RCOR3: variants seen among roughly 807,000 people sequenced by gnomAD.
RCOR3 encodes the protein REST corepressor 3.
Under a neutral mutation model 64.1 loss-of-function variants are expected in RCOR3, and 13 were observed. The observed-to-expected ratio is 0.20, with a 90% CI of 0.13 to 0.32. RCOR3 has a LOEUF of 0.32. Among genes scored for constraint, RCOR3 ranks in the 10% least tolerant of loss-of-function variants. The pLI, the probability that RCOR3 is intolerant of heterozygous loss-of-function variation, is 1.00. For synonymous variants in RCOR3, 215 were observed against 239.0 expected, an observed-to-expected ratio of 0.90 and a Z score of 0.93; for missense variants, 489 against 701.2, an observed-to-expected ratio of 0.70 and a Z score of 3.42.
intron 4 of RCOR3, among the ~76,000 whole-genome samples, chr1:211,275,681 A>G (rs1375871888): frequency 1.3e-5 from 2 of 152,200 alleles, no homozygotes; most frequent in South Asian, 2.1e-4. Context: ...GAAGTTATTT[A>G]TATGCCTCCT....
At position 211,259,492 on chromosome 1, in the gene RCOR3, C is replaced by T. The variant is rs1205607702; in HGVS notation, c.-69C>T. 1 of 1,496,088 alleles carries T rather than the reference C, an allele frequency of 6.7e-7. No homozygotes were observed. The allele number at this position is 1,496,088 out of a possible 1,614,324, so 92.7% of individuals were successfully genotyped here. ...TCCTCCTTTCCCTCCCGCCCGCGCT[C>T]TAAGCCATCTCCGCCTTCACCCTGA... is the stretch of plus-strand genomic sequence containing the variant. On this transcript the variant is annotated 5_prime_UTR_variant, in exon 1 of 12. Coordinates refer to ENST00000419091, the MANE Select transcript of RCOR3 (RefSeq NM_001136223.3).
chr1:211,305,333 G>A (rs891920927), intron 10 of RCOR3, among the ~76,000 whole-genome samples: 1 of 152,228 alleles, frequency 6.6e-6, no homozygotes, highest in African/African-American at 2.4e-5. Context: ...GTTTCTGAAT[G>A]AGTCAAAACA....
chr1:211,313,257 TTTG>T lies in RCOR3; in HGVS notation c.1318-164_1318-162del, dbSNP rs1010392082. ...GCCTCATTGGTTTTTGGTTTTTGGTTTTGTTTTGTTTAAAATAAAAGAAGCTTG... is the reference window on the plus strand; with the variant it reads ...GCCTCATTGGTTTTTGGTTTTTGGTTTTTTGTTTAAAATAAAAGAAGCTTG... On this transcript the variant is annotated intron_variant, in intron 11 of 11. Coordinates refer to ENST00000419091, the MANE Select transcript of RCOR3 (RefSeq NM_001136223.3). This position sits in a 1 kb window ranked among gnomAD's most constrained non-coding sequence, Gnocchi z 4.7. 4.2e-6 allele frequency: 6 copies of T among 1,431,268 alleles called. No individual in the cohort carries two copies. Among genetic ancestry groups the T allele is most frequent in the Non-Finnish European group, 5.5e-6 (6 of 1,098,522 alleles). The allele number at this position is 1,431,268 out of a possible 1,614,324, so 88.7% of individuals were successfully genotyped here. A position where few individuals can be genotyped will look rare whatever the true frequency, so the allele number is the denominator to read the frequency against.
At chr1:211,264,864 C>G (rs1338111761) in intron 2 of RCOR3, among the ~76,000 whole-genome samples, 1 of 152,146 alleles carries the variant, frequency 6.6e-6, no homozygotes, top group Non-Finnish European at 1.5e-5. Flanking sequence ...ACTAGATCTT[C>G]CCAACGTTTA....
intron 2 of RCOR3, among the ~76,000 whole-genome samples, chr1:211,261,632 T>G (rs1694287737): frequency 6.6e-6 from 1 of 152,162 alleles, no homozygotes; most frequent in Admixed American, 6.5e-5. Context: ...TTTAAGAGAC[T>G]GAATTCACGC....
chr1:211,264,883 CTACTAACTG>C (rs1368396358), intron 2 of RCOR3, among the ~76,000 whole-genome samples: 10 of 152,074 alleles, frequency 6.6e-5, no homozygotes, highest in African/African-American at 2.2e-4. Context: ...TATTTAGTGC[CTACTAACTG>C]TACTTACATC....
rs1337291574 is a variant in RCOR3, at chr1:211,312,168, A to G, written c.1076-552A>G. On this transcript the variant is annotated intron_variant, in intron 10 of 11. Transcript: ENST00000419091. This position sits in a 1 kb window ranked among gnomAD's most constrained non-coding sequence, Gnocchi z 5.0. The stretch of plus-strand genomic sequence containing the variant: ...GCTTTTCATGTTTAAGTTCTTATCT[A>G]ATTTCAATTTGTTGGTACCCTGGTG... 1 of 207,356 alleles carries G rather than the reference A, an allele frequency of 4.8e-6. No individual in the cohort carries two copies. Among genetic ancestry groups the G allele is most frequent in the Admixed American group, 4.9e-5 (1 of 20,366 alleles). 12.8% of individuals were successfully genotyped at this position (207,356 alleles called of 1,614,324 possible).
intron 4 of RCOR3, 50 bp from the exon 5 acceptor site, chr1:211,276,207 G>A: frequency 1.3e-6 from 2 of 1,530,634 alleles, no homozygotes; most frequent in Non-Finnish European, 1.8e-6. Flanking sequence ...TCTTAAGTGT[G>A]ATGGAACATA....
chr1:211,260,253 G>A, intron 2 of RCOR3, 89 bp downstream of exon 2: 2 of 1,251,418 alleles, frequency 1.6e-6, no homozygotes, highest in Non-Finnish European at 1.2e-6. Context: ...CATGGGGCCG[G>A]GAGGGGATGC....
chr1:211,263,328 C>T (rs968372821), intron 2 of RCOR3, among the ~76,000 whole-genome samples: 2 of 151,568 alleles, frequency 1.3e-5, no homozygotes, highest in African/African-American at 2.4e-5. Flanking sequence ...ACTTAATTGA[C>T]GATAATATTT....
At position 211,309,994 on chromosome 1, in the gene RCOR3, G is replaced by T. The variant is rs370374972; in HGVS notation, c.1076-2726G>T. 8.5e-5 allele frequency among the ~76,000 whole-genome samples: 13 copies of T among 152,298 alleles called. No individual in the cohort carries two copies. The East Asian group carries it at 1.5e-3, about 18-fold the overall frequency. ...GAGCCATGCTGTTCTGAGTGTGAAG[G>T]TGATGAAGAATTCAGCCATATATAT... On this transcript the variant is annotated intron_variant, in intron 10 of 11. Transcript: ENST00000419091.
chr1:211,313,312 TTTTTG>T lies in RCOR3; in HGVS notation c.1318-101_1318-97del. 2 of 1,459,294 alleles carry T rather than the reference TTTTTG, an allele frequency of 1.4e-6. No individual in the cohort carries two copies. Among genetic ancestry groups the T allele is most frequent in the Middle Eastern group, 1.8e-4 (1 of 5,548 alleles). The allele number at this position is 1,459,294 out of a possible 1,614,324, so 90.4% of individuals were successfully genotyped here. ...GCTTCCAATAAACACTGGTGTTATG[TTTTTG>T]TTTTGTTTTGATTTGTTTTGTTTTT... On this transcript the variant is annotated intron_variant, in intron 11 of 11. Coordinates refer to ENST00000419091, the MANE Select transcript of RCOR3 (RefSeq NM_001136223.3). The surrounding 1 kb of genome is among the most constrained non-coding windows in gnomAD (Gnocchi z 4.7).
chr1:211,287,749 C>T (rs1031259585), intron 7 of RCOR3, among the ~76,000 whole-genome samples: 6 of 152,020 alleles, frequency 3.9e-5, no homozygotes, highest in African/African-American at 1.2e-4. Context: ...GGCATGGTGG[C>T]GGGTGCCTGT....
intron 1 of RCOR3, 124 bp downstream of exon 1, chr1:211,259,850 T>A: frequency 9.9e-7 from 1 of 1,008,630 alleles, no homozygotes; most frequent in Non-Finnish European, 1.3e-6. Flanking sequence ...TGCGGTAGCC[T>A]CGAACTCCCG....
Position 211,312,890 on chromosome 1 carries a change from T to C in RCOR3, c.1246T>C (p.Ser416Pro). The C allele has an allele frequency of 1.2e-6, 2 of 1,614,190 alleles. No homozygotes were observed. The highest frequency in any genetic ancestry group is 8.5e-7 in the Non-Finnish European group (1 of 1,180,028). The change falls in exon 11 of 12, where the codon TCT (serine) becomes CCT (proline). Residue 416 changes from serine to proline, a missense_variant. Around this residue, in one of 2 missense-constraint regions of RCOR3, gnomAD observed 402 missense variants for 617.0 expected, o/e 0.65. Coordinates refer to ENST00000419091, the MANE Select transcript of RCOR3 (RefSeq NM_001136223.3). This position sits in a 1 kb window ranked among gnomAD's most constrained non-coding sequence, Gnocchi z 5.0. ...AACCCAGGCTTCTAATGGTGATGCT[T>C]CTACTTTAGGGGAGGAGACAAAAAG... ...QGTQASNGDA[S>P]TLGEETKSAS...
chr1:211,265,839 A>G (rs1695094229), intron 2 of RCOR3, among the ~76,000 whole-genome samples: 1 of 152,198 alleles, frequency 6.6e-6, no homozygotes, highest in Non-Finnish European at 1.5e-5. Flanking sequence ...AAACTCTAGT[A>G]GTTATGGTGC....
chr1:211,289,796 A>G (rs934794932), intron 8 of RCOR3, among the ~76,000 whole-genome samples: 1 of 152,210 alleles, frequency 6.6e-6, no homozygotes, highest in African/African-American at 2.4e-5. Context: ...CATCATCATT[A>G]TCAGTAGTAG....
chr1:211,269,735 A>G (rs1695828166), intron 2 of RCOR3, among the ~76,000 whole-genome samples: 1 of 152,180 alleles, frequency 6.6e-6, no homozygotes, highest in African/African-American at 2.4e-5. Flanking sequence ...TGGCTCTGGC[A>G]TAGCTATCTC....
chr1:211,312,623 A>C lies in RCOR3; in HGVS notation c.1076-97A>C. On this transcript the variant is annotated intron_variant, in intron 10 of 11. Transcript: ENST00000419091. The surrounding 1 kb of genome is among the most constrained non-coding windows in gnomAD (Gnocchi z 5.0). ...AATGAGCAGAGTTTATCAGAAAGGAATTTCATTGCTGGTATCTTTTGTGTG... is the reference window on the plus strand; with the variant it reads ...AATGAGCAGAGTTTATCAGAAAGGACTTTCATTGCTGGTATCTTTTGTGTG... 2.3e-6 allele frequency: 2 copies of C among 851,326 alleles called. No individual in the cohort carries two copies. The highest frequency in any genetic ancestry group is 2.4e-5 in the East Asian group (1 of 41,230). 52.7% of individuals were successfully genotyped at this position (851,326 alleles called of 1,614,324 possible). A position where few individuals can be genotyped will look rare whatever the true frequency, so the allele number is the denominator to read the frequency against.
Sources: gnomAD v4.1 joint callset for allele counts (sites outside exome capture counted in the v4.1 genomes callset) on GRCh38, gnomAD v4.1.1 for gene constraint, gnomAD v4.1.1 regional missense constraint, Gnocchi (gnomAD v3.1) non-coding constraint, MANE v1.5 for transcripts, NCBI Gene and HGNC (gene_info 2026-07-23, HGNC 2026-07-21) for gene names.